The following PRKN variants were observed in gnomAD, a reference collection of about 807,000 sequenced individuals.
The protein encoded by PRKN is parkin RBR E3 ubiquitin protein ligase.
In PRKN, 56 loss-of-function variants were observed where a neutral mutation model predicts 59.5. The ratio of observed to expected loss-of-function variants is 0.94; its 90% CI spans 0.76 to 1.18. The LOEUF (loss-of-function observed/expected upper bound fraction) is 1.18, where lower values mean the gene tolerates loss of function less well. Among genes scored for constraint, PRKN ranks in the 50% most tolerant of loss-of-function variants. PRKN has a pLI of 0.00. For missense variants in PRKN, 657 were observed against 596.4 expected (o/e 1.10, Z -1.06); for synonymous variants, 250 against 222.1 (o/e 1.13, Z -1.12).
At chr6:162,317,404 T>C (rs1248493616) in intron 2 of PRKN, among the ~76,000 whole-genome samples, 1 of 152,074 alleles carries the variant, frequency 6.6e-6, no homozygotes, top group African/African-American at 2.4e-5. Flanking sequence ...CCTTCTGCCA[T>C]AATTGTGAGG....
At chr6:162,259,549 T>A (rs1373086398) in intron 3 of PRKN, among the ~76,000 whole-genome samples, 1 of 152,266 alleles carries the variant, frequency 6.6e-6, no homozygotes, top group Admixed American at 6.5e-5. Context: ...AACTTTACGC[T>A]ATCATTTTTA....
intron 4 of PRKN, among the ~76,000 whole-genome samples, chr6:162,090,830 A>G (rs1302062525): frequency 1.3e-5 from 2 of 152,198 alleles, no homozygotes; most frequent in Non-Finnish European, 2.9e-5. Context: ...GGAAAATGCT[A>G]GACCCTAAGA....
chr6:161,465,285 T>TA (rs1421892330), intron 9 of PRKN, among the ~76,000 whole-genome samples: 1 of 152,176 alleles, frequency 6.6e-6, no homozygotes, highest in Non-Finnish European at 1.5e-5. Flanking sequence ...ATTGGGATTT[T>TA]AAAAAATCAT....
rs1025737005 is a variant in PRKN, at chr6:161,575,429, T to G, written c.872-6013A>C. Among the ~76,000 whole-genome samples, 1 of 152,158 alleles carries G rather than the reference T, an allele frequency of 6.6e-6. No individual in the cohort carries two copies. Among genetic ancestry groups the G allele is most frequent in the Admixed American group, 6.5e-5 (1 of 15,284 alleles). ...ACAAAACAAAACAAAACAAATACCT[T>G]TGAGAGATTAACTGAGCCATAATGT... On this transcript the variant is annotated intron_variant, in intron 7 of 11. Transcript: ENST00000366898. This position sits in a 1 kb window ranked among gnomAD's most constrained non-coding sequence, Gnocchi z 4.6.
chr6:162,699,325 A>T (rs1401362344), intron 1 of PRKN, among the ~76,000 whole-genome samples: 1 of 152,212 alleles, frequency 6.6e-6, no homozygotes, highest in Non-Finnish European at 1.5e-5. Flanking sequence ...TCAAATGCTG[A>T]AATATGGGGA....
intron 1 of PRKN, among the ~76,000 whole-genome samples, chr6:162,599,556 A>T (rs1781620217): frequency 6.6e-6 from 1 of 152,206 alleles, no homozygotes; most frequent in Non-Finnish European, 1.5e-5. Flanking sequence ...CGCCCGGCAG[A>T]GGCAAACTCG....
chr6:162,257,208 C>T (rs112102243), intron 3 of PRKN, among the ~76,000 whole-genome samples: 9,258 of 152,224 alleles, frequency 0.061, 388 homozygotes, highest in Middle Eastern at 0.14. Context: ...TGGTGGCTCA[C>T]ACCTGTAATC....
intron 1 of PRKN, among the ~76,000 whole-genome samples, chr6:162,484,539 A>G (rs1792455347): frequency 6.6e-6 from 1 of 152,212 alleles, no homozygotes; most frequent in Non-Finnish European, 1.5e-5. Context: ...AGTTACAAAC[A>G]GCTTAGCAGG....
chr6:161,575,164 A>G lies in PRKN; in HGVS notation c.872-5748T>C, dbSNP rs1195348124. On this transcript the variant is annotated intron_variant, in intron 7 of 11. Transcript: ENST00000366898. This position sits in a 1 kb window ranked among gnomAD's most constrained non-coding sequence, Gnocchi z 4.6. ...ACCAGCTTTTTGGTGTTAAAAATGA[A>G]TAAGACAATTTGTTAAAAAGCATAT... Among the ~76,000 whole-genome samples, 2 of 152,232 alleles carry G rather than the reference A, an allele frequency of 1.3e-5. No individual in the cohort carries two copies. The highest frequency in any genetic ancestry group is 1.3e-4 in the Admixed American group (2 of 15,284).
At chr6:162,345,813 A>G (rs1459114704) in intron 2 of PRKN, among the ~76,000 whole-genome samples, 9 of 152,160 alleles carry the variant, frequency 5.9e-5, no homozygotes, top group Admixed American at 2.0e-4. Flanking sequence ...TTACTTTCCA[A>G]CCTTGAAACT....
rs1779984631 is a variant in PRKN at position 161,550,775 on chromosome 6, C to T, written c.934-1772G>A. 8.2e-6 allele frequency among the ~76,000 whole-genome samples: 1 copy of T among 122,244 alleles called. No individual in the cohort carries two copies. The highest frequency in any genetic ancestry group is 2.2e-4 in the South Asian group (1 of 4,474). The allele number at this position is 122,244 out of a possible 152,430, so 80.2% of individuals were successfully genotyped here. A position where few individuals can be genotyped will look rare whatever the true frequency, so the allele number is the denominator to read the frequency against. ...TGTGTGTGTGTGTAGGGAGTTGAGGCATGAAATAATTATTTCTATTGTGCT... is the reference window on the plus strand; with the variant it reads ...TGTGTGTGTGTGTAGGGAGTTGAGGTATGAAATAATTATTTCTATTGTGCT... On this transcript the variant is annotated intron_variant, in intron 8 of 11. Transcript: ENST00000366898. This position sits in a 1 kb window ranked among gnomAD's most constrained non-coding sequence, Gnocchi z 4.0.
At chr6:162,384,723 CT>C (rs1475610894) in intron 2 of PRKN, among the ~76,000 whole-genome samples, 4 of 150,218 alleles carry the variant, frequency 2.7e-5, no homozygotes, top group Non-Finnish European at 5.9e-5. Context: ...GTAAAATGAG[CT>C]GTGCCTGTGA....
intron 1 of PRKN, among the ~76,000 whole-genome samples, chr6:162,681,155 A>C (rs1201950579): frequency 1.3e-5 from 2 of 152,186 alleles, no homozygotes; most frequent in African/African-American, 4.8e-5. Context: ...TCTTCATGAA[A>C]AATCGTAAGA....
intron 6 of PRKN, among the ~76,000 whole-genome samples, chr6:161,845,669 A>G (rs73603115): frequency 0.013 from 1,928 of 152,300 alleles, 40 homozygotes; most frequent in African/African-American, 0.044. Context: ...GACATTAAAG[A>G]TATATACATC....
chr6:162,396,708 G>C (rs537519297), intron 2 of PRKN, among the ~76,000 whole-genome samples: 25 of 152,088 alleles, frequency 1.6e-4, no homozygotes, highest in Non-Finnish European at 3.7e-4. Context: ...GCTGATAAAG[G>C]CCAGTGTAAG....
intron 6 of PRKN, among the ~76,000 whole-genome samples, chr6:161,886,661 C>T (rs1179284240): frequency 1.3e-5 from 2 of 151,586 alleles, no homozygotes; most frequent in Non-Finnish European, 2.9e-5. Flanking sequence ...CGCGCCACTG[C>T]ACTCTAGCCT....
At chr6:161,770,923 G>C (rs1789646728) in intron 7 of PRKN, among the ~76,000 whole-genome samples, 1 of 152,098 alleles carries the variant, frequency 6.6e-6, no homozygotes, top group Admixed American at 6.5e-5. Context: ...ACCAGCCAAG[G>C]AGAGAGGCTT....
intron 2 of PRKN, among the ~76,000 whole-genome samples, chr6:162,307,610 G>C (rs537142617): frequency 6.6e-6 from 1 of 151,958 alleles, no homozygotes; most frequent in Admixed American, 6.6e-5. Context: ...AAATGTAAGG[G>C]GAAAAAAACA....
At chr6:161,615,766 T>G (rs1229091894) in intron 7 of PRKN, among the ~76,000 whole-genome samples, 1 of 152,178 alleles carries the variant, frequency 6.6e-6, no homozygotes, top group Non-Finnish European at 1.5e-5. Flanking sequence ...CTGCATGCAA[T>G]GGGGAGCTGA....
Sources: allele counts gnomAD v4.1 joint callset (sites outside exome capture counted in the v4.1 genomes callset), GRCh38; gene constraint gnomAD v4.1.1; non-coding constraint Gnocchi (gnomAD v3.1); transcripts MANE v1.5; gene names NCBI Gene and HGNC (gene_info 2026-07-23, HGNC 2026-07-21).